UQCRQ: variants seen among roughly 807,000 people sequenced by gnomAD.
The protein encoded by UQCRQ is cytochrome b-c1 complex subunit 8.
UQCRQ carries 9 observed loss-of-function variants against 7.9 expected under a neutral mutation model. The ratio of observed to expected loss-of-function variants is 1.13; its 90% CI spans 0.68 to 1.98. The LOEUF (loss-of-function observed/expected upper bound fraction) is 1.98. UQCRQ is among the 30% of genes most tolerant of loss of function. The pLI is 0.00. For missense variants in UQCRQ, 112 were observed against 109.7 expected (o/e 1.02, Z -0.10); for synonymous variants, 50 against 41.9 (o/e 1.19, Z -0.75).
At position 132,867,854 on chromosome 5, in the gene UQCRQ, A is replaced by G. The variant is rs919485166; in HGVS notation, c.*272A>G. Reference sequence around the variant, plus strand: ...CCATTATCTACAAGAAAGTAGCTGCAGGTACTCCTGCATCTAACCATTTGT... The same window carrying G: ...CCATTATCTACAAGAAAGTAGCTGCGGGTACTCCTGCATCTAACCATTTGT... On this transcript the variant is annotated 3_prime_UTR_variant, in exon 3 of 3. Transcript: ENST00000378670. The G allele has an allele frequency of 2.3e-5, 11 of 475,616 alleles. No individual in the cohort carries two copies. The highest frequency in any genetic ancestry group is 6.2e-4 in the Middle Eastern group (1 of 1,624). 29.5% of individuals were successfully genotyped at this position (475,616 alleles called of 1,614,324 possible). A position where few individuals can be genotyped will look rare whatever the true frequency, so the allele number is the denominator to read the frequency against.
In UQCRQ at chr5:132,867,946, C is replaced by T. The variant is rs186810817; in HGVS notation, c.*364C>T. The T allele has an allele frequency of 1.3e-4, 42 of 322,814 alleles. No homozygotes were observed. In the East Asian group the frequency reaches 3.0e-3, roughly 23 times the overall value. 20.0% of individuals were successfully genotyped at this position (322,814 alleles called of 1,614,324 possible). A position where few individuals can be genotyped will look rare whatever the true frequency, so the allele number is the denominator to read the frequency against. ...GCTCCCATAGCAACAATAAAGTCTA[C>T]TAACTATATTGTAATTAGTATGTGT... On this transcript the variant is annotated 3_prime_UTR_variant, in exon 3 of 3. Coordinates refer to ENST00000378670, the MANE Select transcript of UQCRQ (RefSeq NM_014402.5).
intron 1 of UQCRQ, 72 bp from the exon 2 acceptor site, chr5:132,866,797 G>T (rs926308856): frequency 1.3e-6 from 2 of 1,578,156 alleles, no homozygotes; most frequent in Admixed American, 1.7e-5. Context: ...CTGGGGTTGG[G>T]GATGGACCCC....
chr5:132,867,151 AC>A, intron 2 of UQCRQ, 116 bp downstream of exon 2: 1 of 1,348,306 alleles, frequency 7.4e-7, no homozygotes, highest in East Asian at 2.4e-5. Flanking sequence ...TGCCGTACAC[AC>A]CTTTCTCATT....
intron 1 of UQCRQ, 55 bp from the exon 2 acceptor site, chr5:132,866,814 G>C: frequency 6.3e-7 from 1 of 1,598,114 alleles, no homozygotes; most frequent in South Asian, 1.1e-5. Context: ...CCCCCGCGGG[G>C]ACTGCGGCGC....
chr5:132,868,448 C>T lies in UQCRQ; in HGVS notation c.*866C>T, dbSNP rs1261262376. Among the ~76,000 whole-genome samples, 1 of 152,224 alleles carries T rather than the reference C, an allele frequency of 6.6e-6. No homozygotes were observed. The highest frequency in any genetic ancestry group is 2.4e-5 in the African/African-American group (1 of 41,458). On this transcript the variant is annotated 3_prime_UTR_variant, in exon 3 of 3. Coordinates refer to ENST00000378670, the MANE Select transcript of UQCRQ (RefSeq NM_014402.5). ...TTGCACTAAAGTGATGCTCTTAAAA[C>T]TATGCTCTATTGCAGGGGTGTCCAA...
At chr5:132,867,283 C>T in intron 2 of UQCRQ, 1 of 693,076 alleles carries the variant, frequency 1.4e-6, no homozygotes, top group East Asian at 2.7e-5. Context: ...GCATGTTCCT[C>T]TGAGGTCACC....
At position 132,866,957 on chromosome 5, in the gene UQCRQ, G is replaced by A. The variant is rs752366410; in HGVS notation, c.76G>A (p.Ala26Thr). 6.2e-7 allele frequency: 1 copy of A among 1,614,130 alleles called. No homozygotes were observed. The highest frequency in any genetic ancestry group is 1.1e-5 in the South Asian group (1 of 91,092). The change falls in exon 2 of 3, where the codon GCC becomes ACC. Residue 26 changes from alanine to threonine, a missense_variant. Ala to Thr is a moderately conservative substitution (Grantham distance 58). Transcript: ENST00000378670. ...CAGCTTGTCACCGTTCGAGCAGCGC[G>A]CCTATCCGCACGTCTTCACTAAAGG... ...SYSLSPFEQR[A>T]YPHVFTKGIP... is the part of the protein sequence containing the mutation.
Position 132,867,897 on chromosome 5 carries a change from G to A in UQCRQ, c.*315G>A. The A allele has an allele frequency of 2.5e-6, 1 of 403,070 alleles. No homozygotes were observed. Among genetic ancestry groups the A allele is most frequent in the South Asian group, 2.3e-5 (1 of 43,944 alleles). 25.0% of individuals were successfully genotyped at this position (403,070 alleles called of 1,614,324 possible). Reference sequence around the variant, plus strand: ...CCATTTGTGGGTGACATGGGCTATGGCGAGTGCTGGTTCTTGGCCCTCTGC... The same window carrying A: ...CCATTTGTGGGTGACATGGGCTATGACGAGTGCTGGTTCTTGGCCCTCTGC... On this transcript the variant is annotated 3_prime_UTR_variant, in exon 3 of 3. Transcript: ENST00000378670.
chr5:132,866,703 C>G lies in UQCRQ; in HGVS notation c.-14+16C>G. The G allele has an allele frequency of 2.8e-6, 2 of 723,196 alleles. No homozygotes were observed. The highest frequency in any genetic ancestry group is 2.7e-5 in the Admixed American group (1 of 37,174). 44.8% of individuals were successfully genotyped at this position (723,196 alleles called of 1,614,324 possible). ...GCTGAGCCCTGTGCGTGAGTGGGGT[C>G]TGGTTGTGCAGTGTTCGTGGACCCT... On this transcript the variant is annotated intron_variant, in intron 1 of 2. Transcript: ENST00000378670.
chr5:132,868,167 G>C lies in UQCRQ; in HGVS notation c.*585G>C, dbSNP rs1759691370. On this transcript the variant is annotated 3_prime_UTR_variant, in exon 3 of 3. Transcript: ENST00000378670. ...GCTAATTTTTTGTATTTTTAGTAGA[G>C]ACAGGTTTCACCATGTTGGCCAGGC... is the stretch of plus-strand genomic sequence containing the variant. 6.3e-6 allele frequency: 1 copy of C among 159,170 alleles called. No individual in the cohort carries two copies. Among genetic ancestry groups the C allele is most frequent in the Non-Finnish European group, 1.4e-5 (1 of 72,034 alleles). The allele number at this position is 159,170 out of a possible 1,614,324, so 9.9% of individuals were successfully genotyped here.
intron 2 of UQCRQ, 175 bp downstream of exon 2, chr5:132,867,210 T>A: frequency 1.1e-6 from 1 of 892,012 alleles, no homozygotes; most frequent in Non-Finnish European, 1.7e-6. Context: ...CTCCCCATCT[T>A]ACACGGGGAA....
intron 2 of UQCRQ, 88 bp from the exon 3 acceptor site, chr5:132,867,387 CTGAAGTGTATGCT>C (rs1759661036): frequency 2.2e-6 from 2 of 915,472 alleles, no homozygotes; most frequent in South Asian, 2.8e-5. Flanking sequence ...CTAAGAACTA[CTGAAGTGTATGCT>C]TTAAAGAAGA....
chr5:132,867,241 A>G (rs1189433922), intron 2 of UQCRQ: 5 of 775,740 alleles, frequency 6.4e-6, no homozygotes, highest in Non-Finnish European at 1.0e-5. Flanking sequence ...CAGAACTGAA[A>G]TGACTGGCCC....
chr5:132,867,537 G>T lies in UQCRQ; in HGVS notation c.204G>T (p.Glu68Asp). The T allele has an allele frequency of 1.2e-6, 2 of 1,614,154 alleles. No homozygotes were observed. Among genetic ancestry groups the T allele is most frequent in the South Asian group, 1.1e-5 (1 of 91,082 alleles). Residue 68 changes from glutamate to aspartate, a missense_variant, in exon 3 of 3, where the codon GAG (glutamate) becomes GAT (aspartate). Coordinates refer to ENST00000378670, the MANE Select transcript of UQCRQ (RefSeq NM_014402.5). ...ACACATGGGGGACTGAAGAGTTCGA[G>T]AGATCCAAGAGGAAGAATCCAGCTG... is the stretch of plus-strand genomic sequence containing the variant. ...LIYTWGTEEFERSKRKNPAAY... is the reference protein window; with the variant it reads ...LIYTWGTEEFDRSKRKNPAAY...
Position 132,867,820 on chromosome 5 carries a change from C to T in UQCRQ, c.*238C>T. ...GGTTTTGGTGAAAGAGCAGGGCTCC[C>T]CCTTTGTTCCATTATCTACAAGAAA... On this transcript the variant is annotated 3_prime_UTR_variant, in exon 3 of 3. Transcript: ENST00000378670. 1.9e-6 allele frequency: 1 copy of T among 529,388 alleles called. No homozygotes were observed. The highest frequency in any genetic ancestry group is 3.4e-6 in the Non-Finnish European group (1 of 294,186). The allele number at this position is 529,388 out of a possible 1,614,324, so 32.8% of individuals were successfully genotyped here. A position where few individuals can be genotyped will look rare whatever the true frequency, so the allele number is the denominator to read the frequency against.
At chr5:132,867,106 C>T in intron 2 of UQCRQ, 71 bp downstream of exon 2, 6 of 1,597,602 alleles carry the variant, frequency 3.8e-6, no homozygotes, top group African/African-American at 1.3e-5. Context: ...CGCCTCCCCT[C>T]TGAGCGCTGG....
At chr5:132,867,411 CAA>C (rs750213426) in intron 2 of UQCRQ, 75 bp from the exon 3 acceptor site, 84 of 1,150,492 alleles carry the variant, frequency 7.3e-5, no homozygotes, top group Admixed American at 5.0e-4. Context: ...TTAAAGAAGA[CAA>C]GAGGACTGAG....
intron 2 of UQCRQ, 168 bp downstream of exon 2, chr5:132,867,203 C>T: frequency 2.1e-6 from 2 of 936,170 alleles, no homozygotes; most frequent in Non-Finnish European, 3.2e-6. Flanking sequence ...TATTATCCTC[C>T]CCATCTTACA....
At chr5:132,867,317 G>C in intron 2 of UQCRQ, 171 bp from the exon 3 acceptor site, 6 of 716,918 alleles carry the variant, frequency 8.4e-6, no homozygotes, top group Non-Finnish European at 1.4e-5. Flanking sequence ...TACCAGTGGT[G>C]AAATGCTTTG....
Sources: allele counts gnomAD v4.1 joint callset (sites outside exome capture counted in the v4.1 genomes callset), GRCh38; gene constraint gnomAD v4.1.1; transcripts MANE v1.5; gene names NCBI Gene and HGNC (gene_info 2026-07-23, HGNC 2026-07-21).